Variants in ERC2 observed in about 807,000 individuals in gnomAD.
The protein encoded by ERC2 is ELKS/RAB6-interacting/CAST family member 2, also known as ERC protein 2.
ERC2 carries 42 observed loss-of-function variants against 114.8 expected under a neutral mutation model. That is an observed-to-expected ratio of 0.37 (90% CI 0.29 to 0.47). The LOEUF (loss-of-function observed/expected upper bound fraction) is 0.47. Among genes scored for constraint, ERC2 ranks in the 20% least tolerant of loss-of-function variants. The pLI is 0.99. For missense variants in ERC2, 939 were observed against 1,150.7 expected (o/e 0.82, Z 2.66); for synonymous variants, 454 against 425.5 (o/e 1.07, Z -0.82).
chr3:55,785,845 G>A (rs1162085630), intron 14 of ERC2, among the ~76,000 whole-genome samples: 1 of 152,174 alleles, frequency 6.6e-6, no homozygotes, highest in Non-Finnish European at 1.5e-5. Flanking sequence ...AGGTCATAAG[G>A]AATTCTAATC....
rs560497426 is a variant in ERC2, at chr3:56,438,756, G to A, written c.-140-3609C>T. Among the ~76,000 whole-genome samples, 3 of 152,216 alleles carry A rather than the reference G, an allele frequency of 2.0e-5. No homozygotes were observed. In the South Asian group the frequency reaches 6.2e-4, roughly 32 times the overall value. ...CTAGAGATACACATTTCTGAGGTCT[G>A]TGGCTAGGCTTGAGGTCCCGGAATG... On this transcript the variant is annotated intron_variant, in intron 1 of 17. Coordinates refer to ENST00000288221, the MANE Select transcript of ERC2 (RefSeq NM_015576.3).
At chr3:55,685,035 A>G (rs1214855709) in intron 16 of ERC2, among the ~76,000 whole-genome samples, 1 of 152,238 alleles carries the variant, frequency 6.6e-6, no homozygotes. Flanking sequence ...GAAAAATAGC[A>G]GTTTCATACA....
At chr3:56,235,280 C>T (rs953795862) in intron 3 of ERC2, among the ~76,000 whole-genome samples, 1 of 152,200 alleles carries the variant, frequency 6.6e-6, no homozygotes, top group South Asian at 2.1e-4. Context: ...CCCCTGTCCA[C>T]ATGAAGCTTT....
chr3:55,748,740 C>G (rs982126423), intron 14 of ERC2, among the ~76,000 whole-genome samples: 1 of 152,110 alleles, frequency 6.6e-6, no homozygotes, highest in African/African-American at 2.4e-5. Flanking sequence ...CTCTTCATCC[C>G]GAATGCCTAG....
intron 14 of ERC2, among the ~76,000 whole-genome samples, chr3:55,857,314 A>T (rs2061832247): frequency 6.6e-6 from 1 of 152,150 alleles, no homozygotes; most frequent in Non-Finnish European, 1.5e-5. Context: ...GAATGTAATA[A>T]GGTTATGAGC....
At chr3:56,452,170 A>C (rs562493946) in intron 1 of ERC2, among the ~76,000 whole-genome samples, 1 of 152,374 alleles carries the variant, frequency 6.6e-6, no homozygotes, top group South Asian at 2.1e-4. Context: ...TTGACTTTGA[A>C]TATCAAGCTG....
At chr3:55,969,784 C>A (rs2069022046) in intron 12 of ERC2, among the ~76,000 whole-genome samples, 2 of 152,148 alleles carry the variant, frequency 1.3e-5, no homozygotes, top group Non-Finnish European at 2.9e-5. Context: ...GATGACAGAA[C>A]TGCTAAGAAT....
intron 7 of ERC2, among the ~76,000 whole-genome samples, chr3:56,037,804 A>C (rs2074900608): frequency 6.6e-6 from 1 of 152,190 alleles, no homozygotes; most frequent in African/African-American, 2.4e-5. Context: ...GCCAGAGAGA[A>C]AGGTCAAGTC....
At chr3:56,165,320 CT>C (rs900667462) in intron 4 of ERC2, among the ~76,000 whole-genome samples, 58 of 151,002 alleles carry the variant, frequency 3.8e-4, no homozygotes, top group Middle Eastern at 6.8e-3. Context: ...ATGGCAATAG[CT>C]TTTTTTTTAT....
intron 7 of ERC2, among the ~76,000 whole-genome samples, chr3:56,033,372 A>T (rs1449460762): frequency 6.6e-6 from 1 of 152,266 alleles, no homozygotes; most frequent in African/African-American, 2.4e-5. Context: ...TTAGAGTACC[A>T]AAAATGTGAT....
intron 15 of ERC2, among the ~76,000 whole-genome samples, chr3:55,716,391 T>G (rs2064123744): frequency 6.6e-6 from 1 of 152,180 alleles, no homozygotes; most frequent in Non-Finnish European, 1.5e-5. Flanking sequence ...GGGTTCAAAA[T>G]GTACCTTATT....
rs79033700 is a variant in ERC2, at chr3:55,653,955, A to G, written c.*39+29839T>C. On this transcript the variant is annotated intron_variant, in intron 17 of 17. Transcript: ENST00000288221. ...AACCATGCCCAGCTGATTTTGAGCTATCTAGTTCTCCCTCCTCTTCCTCCT... is the reference window on the plus strand; with the variant it reads ...AACCATGCCCAGCTGATTTTGAGCTGTCTAGTTCTCCCTCCTCTTCCTCCT... Among the ~76,000 whole-genome samples, 18 of 152,284 alleles carry G rather than the reference A, an allele frequency of 1.2e-4. No individual in the cohort carries two copies. In the East Asian group the frequency reaches 1.9e-3, roughly 16 times the overall value.
rs1165289985 is a variant in ERC2, at chr3:55,950,413, G to A, written c.2403+12C>T. On this transcript the variant is annotated intron_variant, in intron 13 of 17. Coordinates refer to ENST00000288221, the MANE Select transcript of ERC2 (RefSeq NM_015576.3). ...AGTTATTTAGCGATTAAGAAGAGAA[G>A]CCTGTGCTTACCTGCAAATGCTGTG... is the stretch of plus-strand genomic sequence containing the variant. The A allele has an allele frequency of 1.9e-6, 3 of 1,613,836 alleles. No individual in the cohort carries two copies. The highest frequency in any genetic ancestry group is 2.5e-6 in the Non-Finnish European group (3 of 1,179,830).
At chr3:56,032,913 A>AAGAGAGAGAGACAGAC (rs1560056254) in intron 7 of ERC2, among the ~76,000 whole-genome samples, 2 of 68,638 alleles carry the variant, frequency 2.9e-5, no homozygotes, top group Non-Finnish European at 6.6e-5. Flanking sequence ...GAAAGAAAGA[A>AAGAGAGAGAGACAGAC]AGAAAGAAAG....
intron 7 of ERC2, among the ~76,000 whole-genome samples, chr3:56,048,417 T>C (rs943085990): frequency 6.6e-6 from 1 of 152,200 alleles, no homozygotes; most frequent in African/African-American, 2.4e-5. Flanking sequence ...GCTTGCTTTG[T>C]TAAAAACCAT....
chr3:55,782,380 A>C (rs1361695149), intron 14 of ERC2, among the ~76,000 whole-genome samples: 1 of 152,068 alleles, frequency 6.6e-6, no homozygotes, highest in Non-Finnish European at 1.5e-5. Flanking sequence ...AAGCACCATC[A>C]TCTGGTCATT....
intron 17 of ERC2, chr3:55,612,652 C>T (rs575138363): frequency 6.1e-4 from 93 of 152,280 alleles, no homozygotes; most frequent in African/African-American, 2.1e-3. Context: ...AAAAATTAAG[C>T]AACAGTTGGC....
At chr3:56,258,061 G>A (rs1166825686) in intron 3 of ERC2, among the ~76,000 whole-genome samples, 1 of 152,146 alleles carries the variant, frequency 6.6e-6, no homozygotes, top group East Asian at 1.9e-4. Context: ...AGAAGCCTGA[G>A]AGCAAAAAGG....
chr3:56,183,060 T>TA (rs2083374356), intron 3 of ERC2, among the ~76,000 whole-genome samples: 2 of 152,162 alleles, frequency 1.3e-5, no homozygotes, highest in African/African-American at 4.8e-5. Flanking sequence ...ATAATAGAAT[T>TA]AATAAGCCTA....
Sources: gnomAD v4.1 joint callset for allele counts (sites outside exome capture counted in the v4.1 genomes callset) on GRCh38, gnomAD v4.1.1 for gene constraint, MANE v1.5 for transcripts, NCBI Gene and HGNC (gene_info 2026-07-23, HGNC 2026-07-21) for gene names.